Variants in ANKRD62 observed in about 807,000 individuals in gnomAD.
ANKRD62 encodes ankyrin repeat domain-containing protein 62.
A neutral mutation model predicts 98.8 loss-of-function variants in ANKRD62; 61 were observed. That is an observed-to-expected ratio of 0.62 (90% confidence interval 0.50 to 0.76). The LOEUF is 0.76. ANKRD62 is among the 30% of genes least tolerant of loss of function. The probability of loss-of-function intolerance (pLI) is 0.00; values close to 1 mark genes in which losing one functional copy is unlikely to be tolerated. For synonymous variants in ANKRD62, 341 were observed against 367.9 expected (o/e 0.93, Z 0.84); for missense variants, 933 against 1,082.9 (o/e 0.86, Z 1.94).
chr18:12,119,306 T>G (rs1235948059), intron 10 of ANKRD62, among the ~76,000 whole-genome samples: 1 of 151,896 alleles, frequency 6.6e-6, no homozygotes, highest in Non-Finnish European at 1.5e-5. Context: ...TTTCTCACAT[T>G]TATCAATCTC....
At chr18:12,162,112 A>T in the ANKRD62 span, among the ~76,000 whole-genome samples, 1 of 152,156 alleles carries the variant, frequency 6.6e-6, no homozygotes, top group African/African-American at 2.4e-5. Flanking sequence ...GCTCCATGGT[A>T]GTTTTATTAA....
intron 6 of ANKRD62, chr18:12,102,254 A>G: frequency 5.2e-6 from 4 of 766,902 alleles, no homozygotes; most frequent in South Asian, 4.1e-5. Context: ...GGAGCAAAAC[A>G]CTGACGACCC....
chr18:12,131,247 G>C (rs984685341), downstream of ANKRD62, among the ~76,000 whole-genome samples: 4 of 152,210 alleles, frequency 2.6e-5, no homozygotes, highest in African/African-American at 9.6e-5. Flanking sequence ...GACAGTTTCA[G>C]ATGCAGCAGG....
chr18:12,095,747 T>A (rs1909169004), intron 3 of ANKRD62, 137 bp downstream of exon 3: 2 of 817,560 alleles, frequency 2.4e-6, no homozygotes. Context: ...ATACAACTAT[T>A]TAAAAATACA....
At chr18:12,095,332 T>G in intron 2 of ANKRD62, 47 bp downstream of exon 2, 1 of 1,532,712 alleles carries the variant, frequency 6.5e-7, no homozygotes, top group East Asian at 2.5e-5. Context: ...TTAATTTAAA[T>G]TCACAGAATA....
chr18:12,124,228 T>C lies in ANKRD62; in HGVS notation c.1546T>C (p.Tyr516His). ...IEELKIMEEQ[Y>H]RTQTEVKKQS... Reference sequence around the variant, plus strand: ...AGAGTTAAAAATAATGGAAGAGCAATATAGGACACAAACTGAAGTGAAAAA... The same window carrying C: ...AGAGTTAAAAATAATGGAAGAGCAACATAGGACACAAACTGAAGTGAAAAA... Residue 516 changes from tyrosine to histidine, a missense_variant, in exon 12 of 14, where the codon TAT (tyrosine) becomes CAT (histidine). Physicochemically the swap from Tyr to His is moderately conservative, Grantham distance 83. Coordinates refer to ENST00000587848, the MANE Select transcript of ANKRD62 (RefSeq NM_001277333.2). The C allele has an allele frequency of 2.8e-6, 4 of 1,410,594 alleles. No homozygotes were observed. Among genetic ancestry groups the C allele is most frequent in the Non-Finnish European group, 3.9e-6 (4 of 1,036,390 alleles). The allele number at this position is 1,410,594 out of a possible 1,614,324, so 87.4% of individuals were successfully genotyped here. A position where few individuals can be genotyped will look rare whatever the true frequency, so the allele number is the denominator to read the frequency against.
At chr18:12,169,837 T>C in the ANKRD62 span, among the ~76,000 whole-genome samples, 2 of 152,246 alleles carry the variant, frequency 1.3e-5, no homozygotes, top group Non-Finnish European at 2.9e-5. Context: ...GCAATTCAAC[T>C]TCTTCCTGGT....
chr18:12,102,642 G>C (rs1389394314), intron 6 of ANKRD62: 1 of 797,286 alleles, frequency 1.3e-6, no homozygotes, highest in Non-Finnish European at 1.6e-6. Context: ...AGTTTACACA[G>C]CTGTTGAAAA....
intron 7 of ANKRD62, among the ~76,000 whole-genome samples, chr18:12,105,397 G>A (rs982849191): frequency 2.0e-5 from 3 of 152,178 alleles, no homozygotes; most frequent in Non-Finnish European, 2.9e-5. Context: ...TAAGAATGAG[G>A]CACGCATATT....
intron 10 of ANKRD62, among the ~76,000 whole-genome samples, chr18:12,116,993 T>C (rs1188451714): frequency 6.6e-6 from 1 of 152,224 alleles, no homozygotes; most frequent in Non-Finnish European, 1.5e-5. Context: ...TTTATCTCTG[T>C]TTCAGTTTTT....
At chr18:12,134,375 C>CT (rs930761019), downstream of ANKRD62, among the ~76,000 whole-genome samples, 16 of 151,340 alleles carry the variant, frequency 1.1e-4, no homozygotes, top group East Asian at 1.5e-3. Flanking sequence ...TCTGTTTTCC[C>CT]TTTTTTTTTA....
intron 7 of ANKRD62, among the ~76,000 whole-genome samples, chr18:12,105,426 C>A (rs2143904720): frequency 6.6e-6 from 1 of 152,296 alleles, no homozygotes. Flanking sequence ...AGTTCCAGCC[C>A]TTGTGGCTGC....
chr18:12,134,630 T>C (rs2081552405), downstream of ANKRD62, among the ~76,000 whole-genome samples: 1 of 152,052 alleles, frequency 6.6e-6, no homozygotes, highest in Admixed American at 6.6e-5. Flanking sequence ...CGGTGTTTGG[T>C]TTTTTGTCCT....
the ANKRD62 span, among the ~76,000 whole-genome samples, chr18:12,145,153 G>T: frequency 2.1e-5 from 3 of 139,998 alleles, no homozygotes; most frequent in Non-Finnish European, 4.8e-5. Flanking sequence ...TGCTGTGCTG[G>T]GGGACCACTT....
the ANKRD62 span, among the ~76,000 whole-genome samples, chr18:12,174,394 G>A: frequency 3.0e-4 from 45 of 152,234 alleles, no homozygotes; most frequent in East Asian, 1.9e-3. Context: ...CTGTCAGCTC[G>A]TGCGTTGTTT....
At position 12,124,197 on chromosome 18, in the gene ANKRD62, T is replaced by C. The variant is rs144636282; in HGVS notation, c.1515T>C (p.Asp505=). 1,647 of 1,434,812 alleles carry C rather than the reference T, an allele frequency of 1.1e-3. 25 individuals carry two copies. The African/African-American group carries it at 0.021, about 18-fold the overall frequency. The allele number at this position is 1,434,812 out of a possible 1,614,324, so 88.9% of individuals were successfully genotyped here. ...RIKAEELYEK[D]IEELKIMEEQ... is the part of the protein sequence containing the mutation. The stretch of plus-strand genomic sequence containing the variant: ...AGGCTGAAGAGTTGTATGAAAAAGA[T>C]ATAGAAGAGTTAAAAATAATGGAAG... Residue 505 remains aspartate (D), a synonymous_variant, in exon 12 of 14, where the codon GAT becomes GAC. Transcript: ENST00000587848.
the ANKRD62 span, among the ~76,000 whole-genome samples, chr18:12,176,282 C>T: frequency 1.3e-3 from 200 of 150,252 alleles, no homozygotes; most frequent in Non-Finnish European, 2.0e-3. Context: ...TTGAGTAAAC[C>T]GCCAAGAGAT....
chr18:12,113,108 T>G (rs1909582990), intron 8 of ANKRD62, among the ~76,000 whole-genome samples: 1 of 151,976 alleles, frequency 6.6e-6, no homozygotes, highest in South Asian at 2.1e-4. Context: ...TTGGTCAGGC[T>G]GGTCTCGAAC....
the ANKRD62 span, among the ~76,000 whole-genome samples, chr18:12,166,381 G>T: frequency 6.6e-6 from 1 of 151,896 alleles, no homozygotes; most frequent in Admixed American, 6.6e-5. Context: ...GAAGCCCACT[G>T]ATCCTTTCTT....
Sources: allele counts gnomAD v4.1 joint callset (sites outside exome capture counted in the v4.1 genomes callset), GRCh38; gene constraint gnomAD v4.1.1; transcripts MANE v1.5; gene names NCBI Gene and HGNC (gene_info 2026-07-23, HGNC 2026-07-21).